ESR1: variants seen among roughly 807,000 people sequenced by gnomAD.
ESR1 encodes the protein estrogen receptor.
ESR1 carries 12 observed loss-of-function variants against 52.7 expected under a neutral mutation model. The ratio of observed to expected loss-of-function variants is 0.23; its 90% CI spans 0.15 to 0.37. The LOEUF (loss-of-function observed/expected upper bound fraction) is 0.37. ESR1 is among the 10% of genes least tolerant of loss of function. ESR1 has a pLI of 1.00. For synonymous variants in ESR1, 305 were observed against 316.8 expected (o/e 0.96, Z 0.39); for missense variants, 584 against 779.7 (o/e 0.75, Z 2.99).
intron 5 of ESR1, among the ~76,000 whole-genome samples, chr6:152,030,605 G>A (rs1584906816): frequency 6.6e-6 from 1 of 152,246 alleles, no homozygotes; most frequent in East Asian, 1.9e-4. Context: ...AAATATATAT[G>A]CACCCAATAC....
rs1485103823 is a variant in ESR1, at chr6:151,726,589, G to A, written c.-71+24584G>A. ...CTGATTTCGTGATCCAACCGCCTCG[G>A]CCTCCCAAAGTGCTGGGATTACAGG... On this transcript the variant is annotated intron_variant, in intron 2 of 2. Transcript: ENST00000404742. Among the ~76,000 whole-genome samples, 3 of 152,346 alleles carry A rather than the reference G, an allele frequency of 2.0e-5. No homozygotes were observed. In the East Asian group the frequency reaches 5.8e-4, roughly 29 times the overall value.
At chr6:151,680,588 C>A (rs1000258693) in intron 1 of ESR1, among the ~76,000 whole-genome samples, 4 of 152,174 alleles carry the variant, frequency 2.6e-5, no homozygotes, top group Admixed American at 2.6e-4. Flanking sequence ...AATCCCATCA[C>A]AAGGCCCTGA....
chr6:151,944,145 T>TG, intron 3 of ESR1, 28 bp from the exon 4 acceptor site: 1 of 1,454,328 alleles, frequency 6.9e-7, no homozygotes, highest in Non-Finnish European at 9.5e-7. Flanking sequence ...AAAAATAAAC[T>TG]AATTTTTTTT....
intron 5 of ESR1, among the ~76,000 whole-genome samples, chr6:152,050,111 A>T (rs1210777088): frequency 6.6e-6 from 1 of 152,258 alleles, no homozygotes; most frequent in East Asian, 1.9e-4. Context: ...AATAATAGCA[A>T]CAAAGTGAAA....
At chr6:151,957,634 G>A (rs376796806) in intron 4 of ESR1, among the ~76,000 whole-genome samples, 2 of 150,078 alleles carry the variant, frequency 1.3e-5, no homozygotes, top group Admixed American at 6.7e-5. Flanking sequence ...CTACATTTAA[G>A]TGCTTTAAGC....
At chr6:151,673,058 C>A (rs1030448629) in intron 1 of ESR1, among the ~76,000 whole-genome samples, 1 of 150,922 alleles carries the variant, frequency 6.6e-6, no homozygotes, top group South Asian at 2.1e-4. Flanking sequence ...AATCTTCTGA[C>A]CTCGTGATCC....
intron 3 of ESR1, among the ~76,000 whole-genome samples, chr6:151,904,789 T>C (rs1224124747): frequency 6.6e-6 from 1 of 152,198 alleles, no homozygotes; most frequent in African/African-American, 2.4e-5. Flanking sequence ...ATATTGAACA[T>C]GTGGAATTGA....
At chr6:151,903,215 T>C (rs1019250711) in intron 3 of ESR1, among the ~76,000 whole-genome samples, 1 of 152,232 alleles carries the variant, frequency 6.6e-6, no homozygotes, top group Admixed American at 6.5e-5. Flanking sequence ...CATTTAGAAT[T>C]CCCTGGAAGT....
chr6:151,671,026 C>T (rs1464445800), intron 1 of ESR1, among the ~76,000 whole-genome samples: 1 of 152,088 alleles, frequency 6.6e-6, no homozygotes, highest in African/African-American at 2.4e-5. Flanking sequence ...CCTCGGCCTC[C>T]AAAAGTGCTG....
intron 4 of ESR1, among the ~76,000 whole-genome samples, chr6:151,989,718 A>C (rs2040836501): frequency 6.6e-6 from 1 of 152,130 alleles, no homozygotes; most frequent in African/African-American, 2.4e-5. Flanking sequence ...GTAAGTAAGT[A>C]AAGGGATTAT....
At chr6:151,692,261 A>G (rs1779004152) in intron 1 of ESR1, among the ~76,000 whole-genome samples, 1 of 152,208 alleles carries the variant, frequency 6.6e-6, no homozygotes, top group Non-Finnish European at 1.5e-5. Context: ...CACTCACTCT[A>G]AACCTCCACA....
intron 2 of ESR1, among the ~76,000 whole-genome samples, chr6:151,703,273 A>G (rs1245189181): frequency 6.6e-6 from 1 of 152,192 alleles, no homozygotes; most frequent in Non-Finnish European, 1.5e-5. Context: ...TGGTAAATAA[A>G]GTCACCACTT....
At chr6:152,074,236 C>T (rs1485646630) in intron 6 of ESR1, among the ~76,000 whole-genome samples, 1 of 152,160 alleles carries the variant, frequency 6.6e-6, no homozygotes, top group African/African-American at 2.4e-5. Context: ...CCTCTGTGCT[C>T]CTCCTATTCA....
chr6:151,729,530 A>G (rs748491272), intron 2 of ESR1, among the ~76,000 whole-genome samples: 7 of 152,176 alleles, frequency 4.6e-5, no homozygotes, highest in Non-Finnish European at 1.0e-4. Context: ...TAAAACACCT[A>G]GAGTTTAGTA....
intron 4 of ESR1, among the ~76,000 whole-genome samples, chr6:151,950,131 C>A (rs896630282): frequency 6.6e-5 from 10 of 152,192 alleles, no homozygotes; most frequent in African/African-American, 2.4e-4. Context: ...TGCCTTCCAC[C>A]TTCTGCCATG....
intron 5 of ESR1, among the ~76,000 whole-genome samples, chr6:152,036,137 A>T (rs1435377325): frequency 3.9e-5 from 2 of 51,712 alleles, no homozygotes; most frequent in South Asian, 1.0e-3. Context: ...CAAGGCAGGC[A>T]GATCACGAGG....
chr6:152,082,399 A>G (rs1562766187), intron 6 of ESR1, among the ~76,000 whole-genome samples: 1 of 152,234 alleles, frequency 6.6e-6, no homozygotes, highest in Non-Finnish European at 1.5e-5. Context: ...AAGGCCTTTG[A>G]CAAAATTCAA....
chr6:151,880,959 C>G (rs1455575204), intron 3 of ESR1, among the ~76,000 whole-genome samples, 188 bp downstream of exon 3: 1 of 152,018 alleles, frequency 6.6e-6, no homozygotes, highest in Non-Finnish European at 1.5e-5. Flanking sequence ...GTGGAAGTGT[C>G]TGGAACTGGA....
intron 2 of ESR1, among the ~76,000 whole-genome samples, chr6:151,864,215 A>C (rs1789422775): frequency 6.6e-6 from 1 of 152,212 alleles, no homozygotes; most frequent in South Asian, 2.1e-4. Flanking sequence ...TAATATCCAG[A>C]ATCTACAAAG....
Sources: allele counts gnomAD v4.1 joint callset (sites outside exome capture counted in the v4.1 genomes callset), GRCh38; gene constraint gnomAD v4.1.1; transcripts MANE v1.5; gene names NCBI Gene and HGNC (gene_info 2026-07-23, HGNC 2026-07-21).